The following INO80D variants were observed in gnomAD, a reference collection of about 807,000 sequenced individuals.
The protein encoded by INO80D is INO80 complex subunit D.
Under a neutral mutation model 87.6 loss-of-function variants are expected in INO80D, and 21 were observed. The observed-to-expected ratio is 0.24, with a 90% CI of 0.17 to 0.35. The LOEUF is 0.35. Ranked by LOEUF, INO80D falls within the 10% of genes least tolerant of loss-of-function variation. The probability of loss-of-function intolerance (pLI) is 1.00; values close to 1 mark genes in which losing one functional copy is unlikely to be tolerated. For synonymous variants in INO80D, 440 were observed against 491.0 expected, an observed-to-expected ratio of 0.90 and a Z score of 1.37; for missense variants, 982 against 1,280.7, an observed-to-expected ratio of 0.77 and a Z score of 3.56.
At chr2:206,066,783 T>A (rs1354349904) in intron 1 of INO80D, among the ~76,000 whole-genome samples, 34 of 129,846 alleles carry the variant, frequency 2.6e-4, no homozygotes, top group African/African-American at 9.8e-4. Context: ...CCAGCCTGGG[T>A]GACAGAGCAA....
At chr2:206,020,857 T>C (rs929044643) in intron 6 of INO80D, among the ~76,000 whole-genome samples, 1 of 151,894 alleles carries the variant, frequency 6.6e-6, no homozygotes, top group Non-Finnish European at 1.5e-5. Context: ...ATAAATAACA[T>C]TTAAATTCTT....
chr2:206,061,493 G>A (rs1689690287), intron 3 of INO80D, among the ~76,000 whole-genome samples: 1 of 152,210 alleles, frequency 6.6e-6, no homozygotes, highest in Non-Finnish European at 1.5e-5. Context: ...GGCAGGGTAA[G>A]AAATTATCAT....
chr2:206,066,150 C>T (rs1689809945), intron 1 of INO80D, among the ~76,000 whole-genome samples: 2 of 152,094 alleles, frequency 1.3e-5, no homozygotes, highest in African/African-American at 4.8e-5. Context: ...GTCTCAGCTA[C>T]TCAAGGCTGA....
chr2:206,048,452 C>A (rs183907919), intron 4 of INO80D, among the ~76,000 whole-genome samples: 1 of 151,978 alleles, frequency 6.6e-6, no homozygotes, highest in Non-Finnish European at 1.5e-5. Context: ...AGGCTGCTCT[C>A]GAACTCCTGA....
chr2:206,036,771 CAAGTT>C (rs1279754057), intron 5 of INO80D, among the ~76,000 whole-genome samples: 4 of 152,142 alleles, frequency 2.6e-5, no homozygotes, highest in South Asian at 2.1e-4. Flanking sequence ...CAGTGCTTCT[CAAGTT>C]AAGTGTGGAA....
rs994504055 is a variant in INO80D, at chr2:206,078,852, A to G, written c.-124+7049T>C. 1.3e-5 allele frequency among the ~76,000 whole-genome samples: 2 copies of G among 152,254 alleles called. 1 individual carries two copies. Among genetic ancestry groups the G allele is most frequent in the South Asian group, 4.2e-4 (2 of 4,818 alleles). On this transcript the variant is annotated intron_variant, in intron 1 of 10. Coordinates refer to ENST00000403263, the MANE Select transcript of INO80D (RefSeq NM_017759.5). ...CCAGCTACTCGGGAGGCTGGGGCAG[A>G]GAATTGCTTGAACCTGGGAGGCAGA...
At chr2:206,040,301 A>C (rs1689011981) in intron 5 of INO80D, 1 of 153,810 alleles carries the variant, frequency 6.5e-6, no homozygotes, top group Non-Finnish European at 1.4e-5. Context: ...AAAAAAAAAA[A>C]AAAGCCCAAG....
chr2:206,077,243 G>A (rs1336628815), intron 1 of INO80D, among the ~76,000 whole-genome samples: 2 of 152,034 alleles, frequency 1.3e-5, no homozygotes, highest in South Asian at 2.1e-4. Flanking sequence ...GGGAGGCTGA[G>A]GCAGGAAAAT....
intron 1 of INO80D, among the ~76,000 whole-genome samples, chr2:206,083,850 C>T (rs1690351782): frequency 1.6e-5 from 2 of 127,232 alleles, no homozygotes; most frequent in South Asian, 4.7e-4. Flanking sequence ...ACACTCTGCC[C>T]TAAGCTCACC....
rs1026685677 is a variant in INO80D at position 206,009,451 on chromosome 2, T to G, written c.1760+126A>C. On this transcript the variant is annotated intron_variant, in intron 9 of 10. Coordinates refer to ENST00000403263, the MANE Select transcript of INO80D (RefSeq NM_017759.5). ...TTTGCACCAAAAACTATTTAAAAAATCTAGGCTGATATACTAAATGGTTTC... is the reference window on the plus strand; with the variant it reads ...TTTGCACCAAAAACTATTTAAAAAAGCTAGGCTGATATACTAAATGGTTTC... 1.1e-5 allele frequency: 8 copies of G among 744,068 alleles called. No individual in the cohort carries two copies. The African/African-American group carries it at 1.2e-4, about 11-fold the overall frequency. The allele number at this position is 744,068 out of a possible 1,614,324, so 46.1% of individuals were successfully genotyped here.
chr2:206,027,538 A>G (rs1164008214), intron 6 of INO80D, among the ~76,000 whole-genome samples: 3 of 152,020 alleles, frequency 2.0e-5, no homozygotes, highest in African/African-American at 4.8e-5. Context: ...CACCTCTACA[A>G]AAAAAAATTT....
rs201040304 is a variant in INO80D at position 206,080,652 on chromosome 2, T to A, written c.-124+5249A>T. On this transcript the variant is annotated intron_variant, in intron 1 of 10. Transcript: ENST00000403263. Reference sequence around the variant, plus strand: ...GCCGGGCGCGGTGGCTCACGCCTGTTATCCCAGCACTTTGGGAGGCCAAGG... The same window carrying A: ...GCCGGGCGCGGTGGCTCACGCCTGTAATCCCAGCACTTTGGGAGGCCAAGG... 1.6e-3 allele frequency among the ~76,000 whole-genome samples: 248 copies of A among 152,058 alleles called. 1 individual carries two copies. The highest frequency in any genetic ancestry group is 8.9e-3 in the East Asian group (46 of 5,172).
intron 1 of INO80D, among the ~76,000 whole-genome samples, chr2:206,076,798 G>A (rs1690127896): frequency 6.6e-6 from 1 of 152,158 alleles, no homozygotes; most frequent in African/African-American, 2.4e-5. Context: ...TATCAGAGAG[G>A]GGGATCAAAT....
At chr2:206,034,144 T>C (rs1019787759) in intron 5 of INO80D, among the ~76,000 whole-genome samples, 2 of 152,142 alleles carry the variant, frequency 1.3e-5, no homozygotes, top group African/African-American at 4.8e-5. Flanking sequence ...ATCAGACTTA[T>C]TCACAGCAGA....
At chr2:206,083,860 C>CAAAAAAAA (rs35840816) in intron 1 of INO80D, among the ~76,000 whole-genome samples, 1 of 99,592 alleles carries the variant, frequency 1.0e-5, no homozygotes, top group Non-Finnish European at 2.1e-5. Context: ...CTAAGCTCAC[C>CAAAAAAAA]AAAAAAAAAA....
At chr2:206,010,083 A>ACACACACACACACACACACG (rs142314785) in intron 8 of INO80D, among the ~76,000 whole-genome samples, 31 of 151,280 alleles carry the variant, frequency 2.0e-4, no homozygotes, top group South Asian at 6.3e-4. Flanking sequence ...ACACACACAC[A>ACACACACACACACACACACG]CACGCACACA....
chr2:206,039,220 A>G (rs1224976114), intron 5 of INO80D, among the ~76,000 whole-genome samples: 1 of 152,070 alleles, frequency 6.6e-6, no homozygotes, highest in Non-Finnish European at 1.5e-5. Context: ...CAACATGGAA[A>G]AACCCCGTCT....
rs1480792725 is a variant in INO80D, at chr2:205,999,440, A to G, written c.*4928T>C. The G allele has an allele frequency of 6.6e-6, 1 of 152,190 alleles. No individual in the cohort carries two copies. The highest frequency in any genetic ancestry group is 1.5e-5 in the Non-Finnish European group (1 of 68,032). 9.4% of individuals were successfully genotyped at this position (152,190 alleles called of 1,614,324 possible). A position where few individuals can be genotyped will look rare whatever the true frequency, so the allele number is the denominator to read the frequency against. On this transcript the variant is annotated 3_prime_UTR_variant, in exon 11 of 11. Transcript: ENST00000403263. ...AAAAACTGCTGTTCAAAGTAGCCAA[A>G]CATCCCCAGTATTGGGGAACATAGG...
At chr2:206,073,545 T>TG (rs1690028793) in intron 1 of INO80D, among the ~76,000 whole-genome samples, 1 of 152,124 alleles carries the variant, frequency 6.6e-6, no homozygotes, top group African/African-American at 2.4e-5. Flanking sequence ...GACAGGGTCT[T>TG]GCTCTGTGGC....
Sources: allele counts gnomAD v4.1 joint callset (sites outside exome capture counted in the v4.1 genomes callset), GRCh38; gene constraint gnomAD v4.1.1; transcripts MANE v1.5; gene names NCBI Gene and HGNC (gene_info 2026-07-23, HGNC 2026-07-21).